The following BLK variants were observed in gnomAD, a reference collection of about 807,000 sequenced individuals.
The protein encoded by BLK is tyrosine-protein kinase Blk.
In BLK, 64 loss-of-function variants were observed where a neutral mutation model predicts 61.8. The ratio of observed to expected loss-of-function variants is 1.03; its 90% CI spans 0.85 to 1.27. The LOEUF (loss-of-function observed/expected upper bound fraction) is 1.27. Among genes scored for constraint, BLK ranks in the 50% most tolerant of loss-of-function variants. BLK has a pLI of 0.00. For missense variants in BLK, 853 were observed against 660.5 expected, an observed-to-expected ratio of 1.29 and a Z score of -3.19; for synonymous variants, 351 against 272.0, an observed-to-expected ratio of 1.29 and a Z score of -2.86.
At chr8:11,502,070 G>A (rs1798582872) in intron 1 of BLK, among the ~76,000 whole-genome samples, 1 of 152,152 alleles carries the variant, frequency 6.6e-6, no homozygotes, top group South Asian at 2.1e-4. Flanking sequence ...CGTGAACATG[G>A]GTTCGAGATG....
At chr8:11,519,801 C>T (rs886307068) in intron 1 of BLK, among the ~76,000 whole-genome samples, 1 of 152,144 alleles carries the variant, frequency 6.6e-6, no homozygotes, top group African/African-American at 2.4e-5. Flanking sequence ...TCCAAGCACT[C>T]CATTTAAACT....
intron 1 of BLK, among the ~76,000 whole-genome samples, chr8:11,517,061 C>T (rs181812967): frequency 2.6e-5 from 4 of 152,238 alleles, no homozygotes; most frequent in Non-Finnish European, 5.9e-5. Flanking sequence ...AGTAGGGAAG[C>T]GATGTGATGG....
At chr8:11,549,144 C>T in intron 5 of BLK, 22 bp downstream of exon 5, 1 of 1,570,650 alleles carries the variant, frequency 6.4e-7, no homozygotes, top group Non-Finnish European at 8.7e-7. Flanking sequence ...CGGGAACCCC[C>T]CTCGAGCCAA....
chr8:11,506,044 G>T (rs557476575), intron 1 of BLK, among the ~76,000 whole-genome samples: 1 of 152,352 alleles, frequency 6.6e-6, no homozygotes, highest in African/African-American at 2.4e-5. Flanking sequence ...CCAACAGGGA[G>T]GCAGATGGTA....
At chr8:11,511,071 C>T (rs993349534) in intron 1 of BLK, among the ~76,000 whole-genome samples, 3 of 152,168 alleles carry the variant, frequency 2.0e-5, no homozygotes, top group African/African-American at 7.2e-5. Context: ...AAACACTCAC[C>T]ATAGGAGGTG....
intron 12 of BLK, 64 bp from the exon 13 acceptor site, chr8:11,563,839 C>G: frequency 6.7e-7 from 1 of 1,493,296 alleles, no homozygotes; most frequent in Non-Finnish European, 9.1e-7. Flanking sequence ...GCGGGACGCT[C>G]AGGGCCCCCC....
intron 1 of BLK, among the ~76,000 whole-genome samples, chr8:11,526,126 C>T (rs950129963): frequency 6.6e-6 from 1 of 152,154 alleles, no homozygotes; most frequent in Non-Finnish European, 1.5e-5. Context: ...TCAAGAAATA[C>T]TAATGCCAAT....
chr8:11,542,643 C>G (rs999454277), intron 1 of BLK, among the ~76,000 whole-genome samples: 2 of 152,238 alleles, frequency 1.3e-5, no homozygotes, highest in Non-Finnish European at 2.9e-5. Context: ...ATCTTCCCCC[C>G]TTTAAGGAGA....
chr8:11,515,673 C>A (rs10095565), intron 1 of BLK, among the ~76,000 whole-genome samples: 3,078 of 152,074 alleles, frequency 0.02, 104 homozygotes, highest in African/African-American at 0.071. Context: ...AAAGTTTTGT[C>A]TTTTCTAATA....
At chr8:11,506,115 C>T (rs999955058) in intron 1 of BLK, among the ~76,000 whole-genome samples, 2 of 152,218 alleles carry the variant, frequency 1.3e-5, no homozygotes, top group African/African-American at 2.4e-5. Flanking sequence ...CCCCACCGCA[C>T]ACCTGGAGAG....
chr8:11,541,153 G>A (rs1452580133), intron 1 of BLK, among the ~76,000 whole-genome samples: 4 of 141,570 alleles, frequency 2.8e-5, no homozygotes, highest in Non-Finnish European at 6.1e-5. Flanking sequence ...TGTCATCCCA[G>A]CTACTCGAGA....
intron 1 of BLK, among the ~76,000 whole-genome samples, chr8:11,528,498 C>T (rs1378933412): frequency 6.6e-6 from 1 of 152,088 alleles, no homozygotes; most frequent in Non-Finnish European, 1.5e-5. Flanking sequence ...AGTTTCAATC[C>T]CCCTCACACA....
chr8:11,546,531 G>A (rs1185021073), intron 3 of BLK, among the ~76,000 whole-genome samples: 3 of 151,966 alleles, frequency 2.0e-5, no homozygotes, highest in South Asian at 2.1e-4. Flanking sequence ...CGAGAGTCCC[G>A]CTGCTGACCA....
intron 1 of BLK, among the ~76,000 whole-genome samples, chr8:11,498,208 G>A (rs1336482403): frequency 1.3e-5 from 2 of 152,224 alleles, no homozygotes; most frequent in Non-Finnish European, 2.9e-5. Flanking sequence ...AATGTAAGGA[G>A]GCTCCCATGC....
chr8:11,505,151 A>G (rs1018290957), intron 1 of BLK, among the ~76,000 whole-genome samples: 8 of 152,174 alleles, frequency 5.3e-5, no homozygotes, highest in African/African-American at 1.9e-4. Context: ...AAACAACAGC[A>G]AAACCACCTA....
chr8:11,513,569 G>A (rs1051948704), intron 1 of BLK, among the ~76,000 whole-genome samples: 29 of 152,296 alleles, frequency 1.9e-4, no homozygotes, highest in African/African-American at 7.0e-4. Flanking sequence ...AGGGCTGGAG[G>A]CAACTCAGAG....
At chr8:11,524,854 A>T (rs1001212383) in intron 1 of BLK, among the ~76,000 whole-genome samples, 6 of 151,886 alleles carry the variant, frequency 4.0e-5, no homozygotes, top group African/African-American at 1.5e-4. Context: ...GATGACCGTG[A>T]TACGCTCTGC....
At chr8:11,524,186 T>C (rs1799559599) in intron 1 of BLK, among the ~76,000 whole-genome samples, 1 of 152,230 alleles carries the variant, frequency 6.6e-6, no homozygotes, top group South Asian at 2.1e-4. Context: ...AAAATTACAT[T>C]TATTTATATA....
chr8:11,537,105 CA>C (rs552054007), intron 1 of BLK, among the ~76,000 whole-genome samples: 4 of 152,178 alleles, frequency 2.6e-5, no homozygotes, highest in Non-Finnish European at 5.9e-5. Context: ...AGTATTAGGG[CA>C]AAGGTGAGGA....
Sources: gnomAD v4.1 joint callset for allele counts (sites outside exome capture counted in the v4.1 genomes callset) on GRCh38, gnomAD v4.1.1 for gene constraint, MANE v1.5 for transcripts, NCBI Gene and HGNC (gene_info 2026-07-23, HGNC 2026-07-21) for gene names.